Variants in LRFN5 observed in about 807,000 individuals in gnomAD.
LRFN5 encodes the protein leucine rich repeat and fibronectin type III domain containing 5.
A neutral mutation model predicts 45.6 loss-of-function variants in LRFN5; 24 were observed. The observed-to-expected ratio is 0.53, with a 90% confidence interval of 0.38 to 0.74. LRFN5 has a LOEUF of 0.74. LRFN5 is among the 30% of genes least tolerant of loss of function. The pLI, the probability that LRFN5 is intolerant of heterozygous loss-of-function variation, is 0.00. For missense variants in LRFN5, 776 were observed against 861.5 expected (o/e 0.90, Z 1.24); for synonymous variants, 340 against 313.8 (o/e 1.08, Z -0.88).
intron 1 of LRFN5, among the ~76,000 whole-genome samples, chr14:41,659,773 G>T (rs1449410863): frequency 1.3e-5 from 2 of 151,908 alleles, no homozygotes; most frequent in Non-Finnish European, 2.9e-5. Flanking sequence ...ATCTCATTGT[G>T]GTTTTGATTT....
At chr14:41,746,686 G>A (rs1884934742) in intron 1 of LRFN5, among the ~76,000 whole-genome samples, 1 of 151,688 alleles carries the variant, frequency 6.6e-6, no homozygotes, top group African/African-American at 2.4e-5. Flanking sequence ...AATACATTAG[G>A]CACTCCAAAT....
chr14:41,761,146 A>G (rs961651789), intron 1 of LRFN5, among the ~76,000 whole-genome samples: 1 of 152,144 alleles, frequency 6.6e-6, no homozygotes, highest in African/African-American at 2.4e-5. Flanking sequence ...TGTATGTAAT[A>G]TATCCAATAA....
intron 3 of LRFN5, among the ~76,000 whole-genome samples, chr14:41,890,377 T>C (rs1304873414): frequency 1.3e-5 from 2 of 152,166 alleles, no homozygotes; most frequent in East Asian, 3.9e-4. Context: ...AGTCCAAGTG[T>C]TGACTGCATT....
At chr14:41,697,518 AGACTGTC>A (rs1882663489) in intron 1 of LRFN5, among the ~76,000 whole-genome samples, 1 of 151,748 alleles carries the variant, frequency 6.6e-6, no homozygotes, top group Non-Finnish European at 1.5e-5. Context: ...AAATATCTTG[AGACTGTC>A]TTATTTAAAA....
intron 2 of LRFN5, among the ~76,000 whole-genome samples, chr14:41,866,846 C>T (rs60380663): frequency 0.017 from 2,544 of 152,158 alleles, 76 homozygotes; most frequent in African/African-American, 0.059. Flanking sequence ...ATAACATAGA[C>T]ACATATCAGT....
intron 4 of LRFN5, among the ~76,000 whole-genome samples, chr14:41,895,375 G>A (rs992266796): frequency 6.6e-6 from 1 of 152,158 alleles, no homozygotes; most frequent in Non-Finnish European, 1.5e-5. Context: ...TGTAATCCCA[G>A]CACTCTGGGG....
intron 2 of LRFN5, among the ~76,000 whole-genome samples, chr14:41,885,819 C>A (rs1397414397): frequency 6.6e-6 from 1 of 151,788 alleles, no homozygotes; most frequent in African/African-American, 2.4e-5. Context: ...GAGTTCGAAA[C>A]CAGCCAGCCC....
rs981721605 is a variant in LRFN5 at position 41,896,065 on chromosome 14, G to A, written c.2099-2852G>A. ...GAAAAGAAAATATATCATTTATAAA[G>A]CTAAAAACTTTAAAAGTTGCCCTAA... On this transcript the variant is annotated intron_variant, in intron 4 of 5. Coordinates refer to ENST00000298119, the MANE Select transcript of LRFN5 (RefSeq NM_152447.5). Among the ~76,000 whole-genome samples the A allele has an allele frequency of 4.0e-5, 6 of 151,802 alleles. No homozygotes were observed. In the South Asian group the frequency reaches 6.2e-4, roughly 16 times the overall value.
chr14:41,723,753 G>T (rs1029477806), intron 1 of LRFN5, among the ~76,000 whole-genome samples: 1 of 152,068 alleles, frequency 6.6e-6, no homozygotes, highest in Non-Finnish European at 1.5e-5. Flanking sequence ...CTACTACTGA[G>T]CCACTTTTCA....
intron 1 of LRFN5, among the ~76,000 whole-genome samples, chr14:41,707,628 A>T (rs181158330): frequency 0.01 from 1,572 of 152,148 alleles, 9 homozygotes; most frequent in East Asian, 0.02. Flanking sequence ...TTCTCTCTTA[A>T]TCTATTTTCT....
chr14:41,899,395 GTGT>G (rs1566513711), intron 5 of LRFN5, among the ~76,000 whole-genome samples: 1 of 152,078 alleles, frequency 6.6e-6, no homozygotes. Context: ...ATGAACAGAA[GTGT>G]TTCACTGTTA....
chr14:41,717,105 G>A (rs368118317), intron 1 of LRFN5, among the ~76,000 whole-genome samples: 16 of 152,144 alleles, frequency 1.1e-4, no homozygotes, highest in African/African-American at 1.9e-4. Flanking sequence ...TTCTTTTAAC[G>A]AATCTAAGCT....
At chr14:41,753,341 A>G (rs1885223389) in intron 1 of LRFN5, among the ~76,000 whole-genome samples, 1 of 152,310 alleles carries the variant, frequency 6.6e-6, no homozygotes, top group African/African-American at 2.4e-5. Flanking sequence ...CATTGAATCT[A>G]TAAATTACCT....
chr14:41,807,205 A>G (rs866926058), intron 2 of LRFN5, among the ~76,000 whole-genome samples: 67 of 152,300 alleles, frequency 4.4e-4, no homozygotes, highest in Middle Eastern at 3.4e-3. Context: ...GGATGTCTAT[A>G]GACTTGATTT....
chr14:41,835,303 T>C (rs1438865798), intron 2 of LRFN5, among the ~76,000 whole-genome samples: 2 of 152,180 alleles, frequency 1.3e-5, no homozygotes, highest in Admixed American at 1.3e-4. Flanking sequence ...TCACTGCTTG[T>C]CTGTGCTTCT....
At chr14:41,729,813 T>TA (rs35939729) in intron 1 of LRFN5, among the ~76,000 whole-genome samples, 1 of 151,970 alleles carries the variant, frequency 6.6e-6, no homozygotes, top group African/African-American at 2.4e-5. Flanking sequence ...TTCATTTTTT[T>TA]AAAAAAATAC....
At chr14:41,848,424 G>C (rs1044289139) in intron 2 of LRFN5, among the ~76,000 whole-genome samples, 1 of 151,772 alleles carries the variant, frequency 6.6e-6, no homozygotes, top group African/African-American at 2.4e-5. Context: ...ATTTTGAACC[G>C]TAAAAGAGAA....
At chr14:41,811,371 A>G (rs1887729897) in intron 2 of LRFN5, among the ~76,000 whole-genome samples, 2 of 152,062 alleles carry the variant, frequency 1.3e-5, no homozygotes, top group Admixed American at 6.6e-5. Context: ...TAGTTTCCCA[A>G]ACTCTTAAAT....
intron 2 of LRFN5, among the ~76,000 whole-genome samples, chr14:41,861,854 T>TC (rs1198795890): frequency 6.6e-6 from 1 of 152,116 alleles, no homozygotes; most frequent in African/African-American, 2.4e-5. Flanking sequence ...GCCTAGACAT[T>TC]CCCCTCATAC....
Sources: gnomAD v4.1 joint callset for allele counts (sites outside exome capture counted in the v4.1 genomes callset) on GRCh38, gnomAD v4.1.1 for gene constraint, MANE v1.5 for transcripts, NCBI Gene and HGNC (gene_info 2026-07-23, HGNC 2026-07-21) for gene names.